Variants in ZFP1 observed in about 807,000 individuals in gnomAD.
ZFP1 encodes the protein zinc finger protein 1 homolog.
Under a neutral mutation model 38.5 loss-of-function variants are expected in ZFP1, and 32 were observed. The ratio of observed to expected loss-of-function variants is 0.83; its 90% CI spans 0.63 to 1.12. ZFP1 has a LOEUF of 1.12. Among genes scored for constraint, ZFP1 ranks in the 50% most tolerant of loss-of-function variants. The pLI is 0.00. For missense variants in ZFP1, 616 were observed against 480.8 expected (o/e 1.28, Z -2.63); for synonymous variants, 245 against 168.8 (o/e 1.45, Z -3.50).
At chr16:75,145,943 G>C (rs779819489), upstream of ZFP1, among the ~76,000 whole-genome samples, 2 of 152,164 alleles carry the variant, frequency 1.3e-5, no homozygotes, top group Non-Finnish European at 2.9e-5. Context: ...ACTGCTAGAA[G>C]AGCATTAATT....
rs369812291 is a variant in ZFP1, at chr16:75,169,431, C to T, written c.321C>T (p.Asp107=). 1.1e-4 allele frequency: 180 copies of T among 1,612,564 alleles called. No homozygotes were observed. Among genetic ancestry groups the T allele is most frequent in the Non-Finnish European group, 1.4e-4 (170 of 1,179,660 alleles). The change falls in exon 4 of 4, where the codon GAC becomes GAT. Residue 107 remains aspartate (D), a synonymous_variant. Transcript: ENST00000570010. ...TAAGACAAGTACCTTATAAATATGACTTATATGAAAAAACTTTGAAATATA... is the reference window on the plus strand; with the variant it reads ...TAAGACAAGTACCTTATAAATATGATTTATATGAAAAAACTTTGAAATATA... ...VSLRQVPYKY[D]LYEKTLKYNS...
chr16:75,125,122 GGT>G, the ZFP1 span, among the ~76,000 whole-genome samples: 1 of 151,876 alleles, frequency 6.6e-6, no homozygotes, highest in African/African-American at 2.4e-5. Flanking sequence ...AGCCAGGCAT[GGT>G]GGCACGCACC....
the ZFP1 span, among the ~76,000 whole-genome samples, chr16:75,123,054 C>T: frequency 2.0e-5 from 3 of 151,950 alleles, no homozygotes; most frequent in Non-Finnish European, 4.4e-5. Context: ...TGGGTATTTT[C>T]CAATAAAAAT....
rs768739991 is a variant in ZFP1, at chr16:75,170,190, T to C, written c.1080T>C (p.Thr360=). 24 of 1,614,112 alleles carry C rather than the reference T, an allele frequency of 1.5e-5. No homozygotes were observed. The highest frequency in any genetic ancestry group is 1.9e-5 in the Non-Finnish European group (22 of 1,180,022). The change falls in exon 4 of 4, where the codon ACT becomes ACC. Residue 360 remains threonine, a synonymous_variant. Coordinates refer to ENST00000570010, the MANE Select transcript of ZFP1 (RefSeq NM_153688.4). ...KPYECTECGK[T]FSQRSTLRLH... Reference sequence around the variant, plus strand: ...ATGAATGTACTGAGTGCGGCAAAACTTTCAGCCAGAGGTCAACTCTTAGAT... The same window carrying C: ...ATGAATGTACTGAGTGCGGCAAAACCTTCAGCCAGAGGTCAACTCTTAGAT...
rs2038365571 is a variant in ZFP1, at chr16:75,170,477, C to T, written c.*143C>T. On this transcript the variant is annotated 3_prime_UTR_variant, in exon 4 of 4. Coordinates refer to ENST00000570010, the MANE Select transcript of ZFP1 (RefSeq NM_153688.4). ...CAAAAATGTATTAAAAATAGGATCC[C>T]ATGAGAACATTATACTGGAAGTTAC... The T allele has an allele frequency of 1.4e-5, 17 of 1,226,256 alleles. No homozygotes were observed. Among genetic ancestry groups the T allele is most frequent in the Admixed American group, 3.2e-5 (1 of 31,502 alleles). The allele number at this position is 1,226,256 out of a possible 1,614,324, so 76.0% of individuals were successfully genotyped here.
upstream of ZFP1, among the ~76,000 whole-genome samples, chr16:75,147,409 C>T (rs2036965657): frequency 6.6e-6 from 1 of 151,850 alleles, no homozygotes. Context: ...TCCCGAGTAG[C>T]TGGGACTACA....
chr16:75,138,250 T>C, the ZFP1 span, among the ~76,000 whole-genome samples: 1 of 152,042 alleles, frequency 6.6e-6, no homozygotes, highest in Admixed American at 6.6e-5. Context: ...TTGTCCAGGA[T>C]GGTCTCTGTC....
At position 75,170,384 on chromosome 16, in the gene ZFP1, C is replaced by T. The variant is rs764551; in HGVS notation, c.*50C>T. 2.0e-5 allele frequency: 30 copies of T among 1,508,068 alleles called. No homozygotes were observed. In the Middle Eastern group the frequency reaches 5.6e-4, roughly 28 times the overall value. The allele number at this position is 1,508,068 out of a possible 1,614,324, so 93.4% of individuals were successfully genotyped here. ...AAAACTCCTGCCAGAACTCTTCAAG[C>T]GGGTGAAAAACCTCATGACAGTATT... On this transcript the variant is annotated 3_prime_UTR_variant, in exon 4 of 4. Coordinates refer to ENST00000570010, the MANE Select transcript of ZFP1 (RefSeq NM_153688.4).
In ZFP1 at chr16:75,169,523, G is replaced by T; in HGVS notation, c.413G>T (p.Gly138Val). Residue 138 changes from glycine (G) to valine (V), a missense_variant, in exon 4 of 4, where the codon GGA (glycine) becomes GTA (valine). Coordinates refer to ENST00000570010, the MANE Select transcript of ZFP1 (RefSeq NM_153688.4). ...CAGACTGATGAGTGTAATGAATTTG[G>T]AAAAGCACTTCTCTACCTGAAGCAA... Reference protein sequence around the residue: ...GKQTDECNEFGKALLYLKQEK... With the variant: ...GKQTDECNEFVKALLYLKQEK... 6.2e-7 allele frequency: 1 copy of T among 1,613,124 alleles called. No homozygotes were observed. Among genetic ancestry groups the T allele is most frequent in the Non-Finnish European group, 8.5e-7 (1 of 1,179,850 alleles).
chr16:75,143,586 A>C (rs1049469308), upstream of ZFP1, among the ~76,000 whole-genome samples: 1 of 151,358 alleles, frequency 6.6e-6, no homozygotes, highest in African/African-American at 2.4e-5. Context: ...TATTACATTT[A>C]AAGTATGATC....
At chr16:75,142,578 A>G in the ZFP1 span, among the ~76,000 whole-genome samples, 1 of 152,164 alleles carries the variant, frequency 6.6e-6, no homozygotes, top group African/African-American at 2.4e-5. Flanking sequence ...AACAATTCAT[A>G]ATATTTCTCT....
intron 2 of ZFP1, among the ~76,000 whole-genome samples, chr16:75,159,104 C>G (rs774889731): frequency 2.6e-5 from 4 of 151,916 alleles, no homozygotes; most frequent in Non-Finnish European, 4.4e-5. Context: ...GTTGTGTTGT[C>G]CAGGCTGGTC....
the ZFP1 span, among the ~76,000 whole-genome samples, chr16:75,124,983 T>C: frequency 3.3e-5 from 5 of 151,342 alleles, no homozygotes; most frequent in African/African-American, 1.2e-4. Context: ...AGGAATGGGC[T>C]GGGCTCACTG....
rs543591730 is a variant in ZFP1 at position 75,169,018 on chromosome 16, G to T, written c.143-235G>T. On this transcript the variant is annotated intron_variant, in intron 3 of 3. Coordinates refer to ENST00000570010, the MANE Select transcript of ZFP1 (RefSeq NM_153688.4). Reference sequence around the variant, plus strand: ...CACTTTAAGGTCATTTTGTGATCTGGCAATGCTACTTGTATTGATTTTGGT... The same window carrying T: ...CACTTTAAGGTCATTTTGTGATCTGTCAATGCTACTTGTATTGATTTTGGT... 2.6e-5 allele frequency among the ~76,000 whole-genome samples: 4 copies of T among 152,168 alleles called. No homozygotes were observed. The South Asian group carries it at 8.3e-4, about 32-fold the overall frequency.
At chr16:75,151,066 C>G (rs1344013533) in intron 1 of ZFP1, among the ~76,000 whole-genome samples, 1 of 151,990 alleles carries the variant, frequency 6.6e-6, no homozygotes, top group Non-Finnish European at 1.5e-5. Context: ...GCCATGTTGC[C>G]CAGGCTGGTC....
upstream of ZFP1, among the ~76,000 whole-genome samples, chr16:75,145,033 C>T (rs1410214049): frequency 6.6e-6 from 1 of 152,176 alleles, no homozygotes; most frequent in African/African-American, 2.4e-5. Context: ...GTTTTAATCA[C>T]GTTGTAGCGT....
chr16:75,134,277 T>A, the ZFP1 span, among the ~76,000 whole-genome samples: 19 of 152,262 alleles, frequency 1.2e-4, no homozygotes, highest in African/African-American at 3.1e-4. Context: ...CTCAAAAAAA[T>A]TTTTTTAATT....
Position 75,172,034 on chromosome 16 carries a change from A to G in ZFP1, c.*1700A>G, listed in dbSNP as rs1414552837. The stretch of plus-strand genomic sequence containing the variant: ...ATTTTTTGGTAAGGACCAAAAAAAC[A>G]AACAAAAAAAAGACCATCAGTAAGG... On this transcript the variant is annotated 3_prime_UTR_variant, in exon 4 of 4. Coordinates refer to ENST00000570010, the MANE Select transcript of ZFP1 (RefSeq NM_153688.4). The G allele has an allele frequency of 6.6e-6, 1 of 152,188 alleles. No individual in the cohort carries two copies. Among genetic ancestry groups the G allele is most frequent in the African/African-American group, 2.4e-5 (1 of 41,442 alleles). 9.4% of individuals were successfully genotyped at this position (152,188 alleles called of 1,614,324 possible). A position where few individuals can be genotyped will look rare whatever the true frequency, so the allele number is the denominator to read the frequency against.
At position 75,169,913 on chromosome 16, in the gene ZFP1, A is replaced by T; in HGVS notation, c.803A>T (p.Tyr268Phe). 6.2e-7 allele frequency: 1 copy of T among 1,614,216 alleles called. No homozygotes were observed. The highest frequency in any genetic ancestry group is 8.5e-7 in the Non-Finnish European group (1 of 1,180,030). ...AGAGCACATATGGAGAAGAAGCCCT[A>T]TGAGTGCAGTGAATGTGGAAAGACA... ...HQRAHMEKKP[Y>F]ECSECGKTFA... The change falls in exon 4 of 4, where the codon TAT (tyrosine) becomes TTT (phenylalanine). Residue 268 changes from tyrosine (Y) to phenylalanine (F), a missense_variant. Physicochemically the swap from Tyr to Phe is conservative, Grantham distance 22. Transcript: ENST00000570010.
Sources: gnomAD v4.1 joint callset for allele counts (sites outside exome capture counted in the v4.1 genomes callset) on GRCh38, gnomAD v4.1.1 for gene constraint, MANE v1.5 for transcripts, NCBI Gene and HGNC (gene_info 2026-07-23, HGNC 2026-07-21) for gene names.